The following VPS37A variants were observed in gnomAD, a reference collection of about 807,000 sequenced individuals.
VPS37A encodes vacuolar protein sorting-associated protein 37A.
In VPS37A, 30 loss-of-function variants were observed where a neutral mutation model predicts 49.8. The observed-to-expected ratio is 0.60, with a 90% confidence interval of 0.45 to 0.82. The LOEUF is 0.82. Ranked by LOEUF, VPS37A falls within the 40% of genes least tolerant of loss-of-function variation. VPS37A has a pLI of 0.00. For missense variants in VPS37A, 593 were observed against 464.4 expected (o/e 1.28, Z -2.55); for synonymous variants, 195 against 160.6 (o/e 1.21, Z -1.62).
At chr8:17,292,742 A>T (rs568449129) in intron 11 of VPS37A, among the ~76,000 whole-genome samples, 1 of 152,264 alleles carries the variant, frequency 6.6e-6, no homozygotes, top group Admixed American at 6.5e-5. Context: ...TGGATATGAA[A>T]TTATTGGTTG....
chr8:17,292,962 T>C (rs1228959737), intron 11 of VPS37A, among the ~76,000 whole-genome samples: 1 of 152,116 alleles, frequency 6.6e-6, no homozygotes, highest in Non-Finnish European at 1.5e-5. Context: ...AGTGTCTTTG[T>C]GGTATTCTCT....
At chr8:17,326,775 C>G in the VPS37A span, among the ~76,000 whole-genome samples, 2 of 152,234 alleles carry the variant, frequency 1.3e-5, no homozygotes, top group African/African-American at 4.8e-5. Context: ...CGCAGCCCAG[C>G]TGCCACTTTG....
chr8:17,284,000 A>G (rs762525431), intron 9 of VPS37A, among the ~76,000 whole-genome samples: 1 of 152,196 alleles, frequency 6.6e-6, no homozygotes, highest in Non-Finnish European at 1.5e-5. Context: ...AATTTCTTAT[A>G]GCAGTGTCTA....
chr8:17,289,964 A>C (rs1036958137), intron 11 of VPS37A, among the ~76,000 whole-genome samples: 1 of 152,170 alleles, frequency 6.6e-6, no homozygotes, highest in African/African-American at 2.4e-5. Flanking sequence ...TCTTTGAAGC[A>C]ATTGTGAATG....
In VPS37A at chr8:17,286,350, T is replaced by G; in HGVS notation, c.1117T>G (p.Cys373Gly). The G allele has an allele frequency of 6.2e-7, 1 of 1,613,032 alleles. No homozygotes were observed. The highest frequency in any genetic ancestry group is 8.5e-7 in the Non-Finnish European group (1 of 1,179,578). Residue 373 changes from cysteine to glycine, a missense_variant, in exon 11 of 12, where the codon TGC becomes GGC. Physicochemically the swap from Cys to Gly is radical, Grantham distance 159. Transcript: ENST00000324849. ...TTTTCAAAAATTTATTTTCTAGATT[T>G]GCCACTGTAGAAGAGCCAAGGAAGA... ...LSSFMEKRTI[C>G]HCRRAKEEKL... is the part of the protein sequence containing the mutation.
chr8:17,264,805 T>C (rs1813292945), intron 1 of VPS37A, among the ~76,000 whole-genome samples: 1 of 152,186 alleles, frequency 6.6e-6, no homozygotes, highest in Non-Finnish European at 1.5e-5. Flanking sequence ...ACCTCATTAA[T>C]ACTACTTAGC....
intron 1 of VPS37A, among the ~76,000 whole-genome samples, chr8:17,254,508 C>G (rs1336345774): frequency 6.6e-6 from 1 of 152,176 alleles, no homozygotes; most frequent in Non-Finnish European, 1.5e-5. Flanking sequence ...GCCTTCTTCC[C>G]CCCAAACTCT....
chr8:17,255,393 A>G (rs1330318217), intron 1 of VPS37A, among the ~76,000 whole-genome samples: 1 of 152,154 alleles, frequency 6.6e-6, no homozygotes, highest in Non-Finnish European at 1.5e-5. Flanking sequence ...AGGCAGGACA[A>G]TCACGTGAAC....
chr8:17,299,727 T>A, downstream of VPS37A: 1 of 1,273,148 alleles, frequency 7.9e-7, no homozygotes, highest in Non-Finnish European at 1.1e-6. Flanking sequence ...GGCACTTTTT[T>A]CCCTTTTCAT....
chr8:17,282,376 G>A (rs563723467), intron 9 of VPS37A, among the ~76,000 whole-genome samples: 9 of 152,112 alleles, frequency 5.9e-5, no homozygotes, highest in South Asian at 4.2e-4. Flanking sequence ...CTGCTTCAGC[G>A]GAAACCATAA....
Position 17,280,039 on chromosome 8 carries a change from T to C in VPS37A, c.725T>C (p.Leu242Pro). 6.2e-7 allele frequency: 1 copy of C among 1,610,998 alleles called. No homozygotes were observed. Among genetic ancestry groups the C allele is most frequent in the Non-Finnish European group, 8.5e-7 (1 of 1,178,598 alleles). ...PELSELSVSQ[L>P]TDMNEQEEVL... Reference sequence around the variant, plus strand: ...TTTTGTGTTTCTAGTGTGTCACAACTCACAGATATGAATGAACAAGAGGAG... The same window carrying C: ...TTTTGTGTTTCTAGTGTGTCACAACCCACAGATATGAATGAACAAGAGGAG... The change falls in exon 7 of 12, where the codon CTC becomes CCC. Residue 242 changes from leucine (L) to proline (P), a missense_variant. Transcript: ENST00000324849.
the VPS37A span, among the ~76,000 whole-genome samples, chr8:17,316,250 C>T: frequency 6.6e-6 from 1 of 151,680 alleles, no homozygotes; most frequent in Non-Finnish European, 1.5e-5. Flanking sequence ...TACTATTATT[C>T]TCAAATAATA....
chr8:17,280,225 G>C lies in VPS37A; in HGVS notation c.842-14G>C, dbSNP rs1814913675. 6.2e-7 allele frequency: 1 copy of C among 1,612,350 alleles called. No individual in the cohort carries two copies. Among genetic ancestry groups the C allele is most frequent in the Non-Finnish European group, 8.5e-7 (1 of 1,179,196 alleles). The stretch of plus-strand genomic sequence containing the variant: ...CATCTTTACCTAGAAGTAAACTAGA[G>C]ATTTATCTTACAGGAAAAAATCTCC... On this transcript the variant is annotated splice_polypyrimidine_tract_variant and intron_variant, in intron 7 of 11. Coordinates refer to ENST00000324849, the MANE Select transcript of VPS37A (RefSeq NM_152415.3).
At chr8:17,317,974 G>A in the VPS37A span, among the ~76,000 whole-genome samples, 2 of 152,068 alleles carry the variant, frequency 1.3e-5, no homozygotes, top group South Asian at 4.2e-4. Flanking sequence ...GTTATTATAT[G>A]TTGTGTTTAA....
At chr8:17,306,963 C>T (rs995782731), downstream of VPS37A, among the ~76,000 whole-genome samples, 4 of 152,144 alleles carry the variant, frequency 2.6e-5, no homozygotes, top group African/African-American at 9.7e-5. Flanking sequence ...CAATACCATT[C>T]AGGACATAGG....
In VPS37A at chr8:17,296,981, G is replaced by A. The variant is rs1816700486; in HGVS notation, c.*1995G>A. ...ATGTCACCCACGATGAAAAGAATCT[G>A]CATTTGAATATGCCCGTATGAATGT... On this transcript the variant is annotated 3_prime_UTR_variant, in exon 12 of 12. Transcript: ENST00000324849. 6.6e-6 allele frequency: 1 copy of A among 152,144 alleles called. No individual in the cohort carries two copies. Among genetic ancestry groups the A allele is most frequent in the Admixed American group, 6.5e-5 (1 of 15,278 alleles). The allele number at this position is 152,144 out of a possible 1,614,324, so 9.4% of individuals were successfully genotyped here. A position where few individuals can be genotyped will look rare whatever the true frequency, so the allele number is the denominator to read the frequency against.
chr8:17,278,387 C>G (rs887370877), intron 6 of VPS37A, among the ~76,000 whole-genome samples: 1 of 152,038 alleles, frequency 6.6e-6, no homozygotes, highest in Non-Finnish European at 1.5e-5. Flanking sequence ...ACTTAATCAA[C>G]TACATATTTA....
At chr8:17,275,913 C>G (rs1326708175) in intron 5 of VPS37A, among the ~76,000 whole-genome samples, 1 of 151,936 alleles carries the variant, frequency 6.6e-6, no homozygotes, top group Admixed American at 6.6e-5. Context: ...GTAGTGTGAA[C>G]AAAATTACAA....
At chr8:17,324,792 G>C in the VPS37A span, among the ~76,000 whole-genome samples, 1 of 152,138 alleles carries the variant, frequency 6.6e-6, no homozygotes, top group South Asian at 2.1e-4. Flanking sequence ...GCCAAATTTT[G>C]AGAAAGAAAT....
Sources: gnomAD v4.1 joint callset for allele counts (sites outside exome capture counted in the v4.1 genomes callset) on GRCh38, gnomAD v4.1.1 for gene constraint, MANE v1.5 for transcripts, NCBI Gene and HGNC (gene_info 2026-07-23, HGNC 2026-07-21) for gene names.